FUT9: variants seen among roughly 807,000 people sequenced by gnomAD.
FUT9 encodes the protein 4-galactosyl-N-acetylglucosaminide 3-alpha-L-fucosyltransferase 9.
FUT9 carries 15 observed loss-of-function variants against 29.7 expected under a neutral mutation model. That is an observed-to-expected ratio of 0.51 (90% CI 0.34 to 0.78). The LOEUF (loss-of-function observed/expected upper bound fraction) is 0.78, where lower values mean the gene tolerates loss of function less well. Among genes scored for constraint, FUT9 ranks in the 30% least tolerant of loss-of-function variants. The pLI, the probability that FUT9 is intolerant of heterozygous loss-of-function variation, is 0.01. For missense variants in FUT9, 319 were observed against 425.4 expected (o/e 0.75, Z 2.20); for synonymous variants, 169 against 153.7 (o/e 1.10, Z -0.74).
At chr6:96,156,154 T>C (rs780443498) in intron 2 of FUT9, among the ~76,000 whole-genome samples, 2 of 152,194 alleles carry the variant, frequency 1.3e-5, no homozygotes, top group Non-Finnish European at 2.9e-5. Flanking sequence ...ATAGGAAAGT[T>C]TTCAAATTTC....
intron 2 of FUT9, among the ~76,000 whole-genome samples, chr6:96,133,189 T>C (rs374815464): frequency 2.0e-5 from 3 of 151,932 alleles, no homozygotes; most frequent in African/African-American, 7.2e-5. Flanking sequence ...TGTATGCGTG[T>C]GTACTGGGTA....
At chr6:96,055,015 A>G (rs2127940463) in intron 1 of FUT9, among the ~76,000 whole-genome samples, 1 of 152,174 alleles carries the variant, frequency 6.6e-6, no homozygotes, top group Non-Finnish European at 1.5e-5. Flanking sequence ...ATGCCCCTTG[A>G]TTTAGTAATG....
intron 1 of FUT9, among the ~76,000 whole-genome samples, chr6:96,105,016 A>C (rs1358813798): frequency 2.6e-5 from 4 of 152,218 alleles, no homozygotes; most frequent in Non-Finnish European, 5.9e-5. Flanking sequence ...TTCCGTGCTT[A>C]CTTAGAGTCA....
chr6:96,114,514 C>T (rs1224595849), intron 2 of FUT9, among the ~76,000 whole-genome samples: 1 of 151,436 alleles, frequency 6.6e-6, no homozygotes, highest in Non-Finnish European at 1.5e-5. Context: ...GAATTTTGGT[C>T]AATTTCTTTT....
Position 96,165,189 on chromosome 6 carries a change from T to C in FUT9, c.-8-37959T>C, listed in dbSNP as rs1011110700. On this transcript the variant is annotated intron_variant, in intron 2 of 2. Transcript: ENST00000302103. ...GTTCACACCTGTAATCCCAGCACTTTGGGAGGCTGAGGCCAGCGGATCACC... is the reference window on the plus strand; with the variant it reads ...GTTCACACCTGTAATCCCAGCACTTCGGGAGGCTGAGGCCAGCGGATCACC... Among the ~76,000 whole-genome samples the C allele has an allele frequency of 9.2e-5, 14 of 152,222 alleles. 1 individual carries two copies. Among genetic ancestry groups the C allele is most frequent in the Admixed American group, 5.2e-4 (8 of 15,284 alleles).
At chr6:96,155,796 CAAGA>C (rs1772773525) in intron 2 of FUT9, among the ~76,000 whole-genome samples, 1 of 152,040 alleles carries the variant, frequency 6.6e-6, no homozygotes, top group Non-Finnish European at 1.5e-5. Context: ...ATCTGCAAGC[CAAGA>C]AAGAGTCTCA....
intron 2 of FUT9, among the ~76,000 whole-genome samples, chr6:96,137,869 A>G (rs967719647): frequency 6.6e-6 from 1 of 152,124 alleles, no homozygotes; most frequent in Non-Finnish European, 1.5e-5. Flanking sequence ...CTCTCTCTGT[A>G]AATTTCCTGT....
At chr6:96,094,609 C>T (rs372643519) in intron 1 of FUT9, among the ~76,000 whole-genome samples, 26 of 152,118 alleles carry the variant, frequency 1.7e-4, no homozygotes, top group African/African-American at 6.3e-4. Context: ...CCATTGGGGT[C>T]TTGGAATGTA....
At chr6:96,035,794 A>ATTAAT (rs1770346912) in intron 1 of FUT9, among the ~76,000 whole-genome samples, 1 of 97,926 alleles carries the variant, frequency 1.0e-5, no homozygotes, top group Admixed American at 1.1e-4. Context: ...TATTTATTAT[A>ATTAAT]CTAATATAAT....
At chr6:96,166,131 C>T (rs1773012250) in intron 2 of FUT9, among the ~76,000 whole-genome samples, 1 of 151,162 alleles carries the variant, frequency 6.6e-6, no homozygotes, top group Non-Finnish European at 1.5e-5. Flanking sequence ...AGCACACACA[C>T]AATTCACTTG....
chr6:96,026,949 A>T (rs1770179628), intron 1 of FUT9, among the ~76,000 whole-genome samples: 1 of 151,694 alleles, frequency 6.6e-6, no homozygotes, highest in Admixed American at 6.6e-5. Context: ...ATGCTAGTAG[A>T]GATGAACTGA....
At position 96,189,535 on chromosome 6, in the gene FUT9, G is replaced by A. The variant is rs1773467112; in HGVS notation, c.-8-13613G>A. On this transcript the variant is annotated intron_variant, in intron 2 of 2. Transcript: ENST00000302103. ...AAAGTCTCCCATTATTATTGTGTGG[G>A]AGTCTAAGTCTCTTTGTAGGTCTCT... Among the ~76,000 whole-genome samples the A allele has an allele frequency of 2.0e-5, 3 of 152,214 alleles. No homozygotes were observed. In the South Asian group the frequency reaches 6.2e-4, roughly 32 times the overall value.
chr6:96,087,042 A>T (rs1771327488), intron 1 of FUT9, among the ~76,000 whole-genome samples: 1 of 152,112 alleles, frequency 6.6e-6, no homozygotes, highest in Non-Finnish European at 1.5e-5. Flanking sequence ...CGTTACGCAT[A>T]TGGGTGAAGA....
chr6:96,078,408 CTT>C (rs71012536), intron 1 of FUT9, among the ~76,000 whole-genome samples: 71 of 44,164 alleles, frequency 1.6e-3, no homozygotes, highest in African/African-American at 5.9e-3. Flanking sequence ...TATTAGTCTT[CTT>C]TTTTTTTTTT....
chr6:96,040,431 CT>C (rs1198420848), intron 1 of FUT9, among the ~76,000 whole-genome samples: 16 of 152,104 alleles, frequency 1.1e-4, no homozygotes, highest in Admixed American at 7.9e-4. Flanking sequence ...ACTAGCAATC[CT>C]CGATATTCTT....
intron 2 of FUT9, among the ~76,000 whole-genome samples, chr6:96,177,628 A>C (rs1582287660): frequency 2.0e-5 from 3 of 152,276 alleles, no homozygotes; most frequent in South Asian, 4.1e-4. Context: ...AAGCCTCCAA[A>C]TAAATGAACT....
rs1279494954 is a variant in FUT9, at chr6:96,206,756, C to A, written c.*2521C>A. 6.0e-6 allele frequency: 1 copy of A among 166,988 alleles called. No individual in the cohort carries two copies. Among genetic ancestry groups the A allele is most frequent in the Non-Finnish European group, 1.5e-5 (1 of 68,154 alleles). 10.3% of individuals were successfully genotyped at this position (166,988 alleles called of 1,614,324 possible). A position where few individuals can be genotyped will look rare whatever the true frequency, so the allele number is the denominator to read the frequency against. The stretch of plus-strand genomic sequence containing the variant: ...GGATTACAGGTATGAGCCACTGTGT[C>A]TGGCCCACCTGTTTTTTTTGAAGGC... On this transcript the variant is annotated 3_prime_UTR_variant, in exon 3 of 3. Transcript: ENST00000302103.
chr6:96,088,462 G>A (rs1479406017), intron 1 of FUT9, among the ~76,000 whole-genome samples: 1 of 150,586 alleles, frequency 6.6e-6, no homozygotes, highest in Non-Finnish European at 1.5e-5. Flanking sequence ...CAATTTTTAG[G>A]ACTCCTATTA....
At chr6:96,201,012 G>A (rs1292011582) in intron 2 of FUT9, among the ~76,000 whole-genome samples, 5 of 151,524 alleles carry the variant, frequency 3.3e-5, no homozygotes, top group Non-Finnish European at 7.4e-5. Context: ...TCTTGCTTGG[G>A]TAACAAGATT....
Sources: allele counts gnomAD v4.1 joint callset (sites outside exome capture counted in the v4.1 genomes callset), GRCh38; gene constraint gnomAD v4.1.1; transcripts MANE v1.5; gene names NCBI Gene and HGNC (gene_info 2026-07-23, HGNC 2026-07-21).